PDS5A: variants seen among roughly 807,000 people sequenced by gnomAD.
PDS5A encodes PDS5 cohesin associated factor A.
A neutral mutation model predicts 167.1 loss-of-function variants in PDS5A; 42 were observed. The observed-to-expected ratio is 0.25, with a 90% confidence interval of 0.20 to 0.33. The LOEUF (loss-of-function observed/expected upper bound fraction) is 0.33. Ranked by LOEUF, PDS5A falls within the 10% of genes least tolerant of loss-of-function variation. PDS5A has a pLI of 1.00. For synonymous variants in PDS5A, 553 were observed against 554.6 expected, an observed-to-expected ratio of 1.00 and a Z score of 0.04; for missense variants, 1,033 against 1,605.9, an observed-to-expected ratio of 0.64 and a Z score of 6.10.
chr4:39,922,708 A>G lies in PDS5A; in HGVS notation c.568T>C (p.Leu190=). 6.3e-7 allele frequency: 1 copy of G among 1,587,806 alleles called. No individual in the cohort carries two copies. The highest frequency in any genetic ancestry group is 8.6e-7 in the Non-Finnish European group (1 of 1,167,098). The change falls in exon 6 of 33, where the codon TTG becomes CTG. Residue 190 remains leucine, a synonymous_variant. Transcript: ENST00000303538. Reference sequence around the variant, plus strand: ...CCTTCCATGATGATAGAACTCATCAAATCTAGCATGTGCATTTGTACCTTC... The same window carrying G: ...CCTTCCATGATGATAGAACTCATCAGATCTAGCATGTGCATTTGTACCTTC... ...NKKVQMHMLD[L]MSSIIMEGDG...
intron 28 of PDS5A, chr4:39,847,463 G>C (rs1166562553): frequency 6.6e-6 from 1 of 152,086 alleles, no homozygotes; most frequent in African/African-American, 2.4e-5. Context: ...AATTAGCCAG[G>C]CATGGTGACA....
chr4:39,908,316 T>A, intron 11 of PDS5A, 79 bp downstream of exon 11: 1 of 1,058,112 alleles, frequency 9.5e-7, no homozygotes. Context: ...AGACATTAAA[T>A]GTAACAGAAA....
At chr4:39,840,391 T>G (rs1195766319) in intron 31 of PDS5A, among the ~76,000 whole-genome samples, 1 of 152,158 alleles carries the variant, frequency 6.6e-6, no homozygotes, top group African/African-American at 2.4e-5. Flanking sequence ...TCTCAGCACT[T>G]TGGGAGGCTG....
intron 2 of PDS5A, among the ~76,000 whole-genome samples, chr4:39,962,961 C>CA (rs1326397600): frequency 1.4e-5 from 2 of 147,338 alleles, no homozygotes; most frequent in African/African-American, 2.5e-5. Flanking sequence ...AACTCCACCT[C>CA]AAAAAAACAA....
intron 32 of PDS5A, among the ~76,000 whole-genome samples, chr4:39,831,665 G>A (rs1264072059): frequency 1.3e-5 from 2 of 151,344 alleles, no homozygotes; most frequent in African/African-American, 4.8e-5. Flanking sequence ...ATCACCTGAG[G>A]TCGGGAGTTC....
intron 22 of PDS5A, among the ~76,000 whole-genome samples, chr4:39,867,546 T>C (rs1456603088): frequency 8.8e-6 from 1 of 114,028 alleles, no homozygotes; most frequent in Admixed American, 8.9e-5. Context: ...ACCCCGTCTC[T>C]ACTAAAAAAA....
At chr4:39,873,852 T>C (rs1452056110) in intron 20 of PDS5A, among the ~76,000 whole-genome samples, 2 of 152,052 alleles carry the variant, frequency 1.3e-5, no homozygotes, top group African/African-American at 4.8e-5. Context: ...GAGACCAGCC[T>C]GGGCAACATG....
intron 32 of PDS5A, among the ~76,000 whole-genome samples, chr4:39,829,118 T>C (rs984324205): frequency 2.0e-5 from 3 of 152,198 alleles, no homozygotes; most frequent in African/African-American, 7.2e-5. Context: ...GTTTGGCACC[T>C]CTATGTCTTC....
At chr4:39,900,371 A>G (rs1213074100) in intron 14 of PDS5A, 55 bp downstream of exon 14, 2 of 1,115,744 alleles carry the variant, frequency 1.8e-6, no homozygotes, top group Non-Finnish European at 1.3e-6. Flanking sequence ...AGAACTACAG[A>G]AAATCTGAAC....
intron 2 of PDS5A, among the ~76,000 whole-genome samples, chr4:39,954,865 C>A (rs1458739321): frequency 6.6e-6 from 1 of 151,460 alleles, no homozygotes; most frequent in Non-Finnish European, 1.5e-5. Flanking sequence ...ACATGACAAA[C>A]CCCGTGTCTA....
At chr4:39,826,959 AATTTGTTAT>A (rs1715380199) in intron 32 of PDS5A, among the ~76,000 whole-genome samples, 2 of 152,138 alleles carry the variant, frequency 1.3e-5, no homozygotes, top group Admixed American at 6.5e-5. Context: ...AGAGACTATT[AATTTGTTAT>A]ACTATTTGAA....
intron 26 of PDS5A, among the ~76,000 whole-genome samples, chr4:39,855,916 T>C (rs181057531): frequency 6.6e-6 from 1 of 152,274 alleles, no homozygotes; most frequent in East Asian, 1.9e-4. Flanking sequence ...GAAAAAATAT[T>C]TGATGAAATA....
At chr4:39,920,811 C>T (rs1431393091) in intron 6 of PDS5A, among the ~76,000 whole-genome samples, 3 of 152,160 alleles carry the variant, frequency 2.0e-5, no homozygotes, top group African/African-American at 7.2e-5. Context: ...TTAATCAATG[C>T]GTGCTCTGGA....
intron 16 of PDS5A, 135 bp downstream of exon 16, chr4:39,898,254 G>C (rs1239101782): frequency 2.3e-6 from 3 of 1,327,212 alleles, no homozygotes; most frequent in East Asian, 2.9e-5. Context: ...CTTGACAATA[G>C]ATATACTCCA....
At position 39,920,925 on chromosome 4, in the gene PDS5A, CA is replaced by C. The variant is rs772069196; in HGVS notation, c.655-527del. Among the ~76,000 whole-genome samples the C allele has an allele frequency of 2.4e-4, 37 of 152,102 alleles. 1 individual carries two copies. The highest frequency in any genetic ancestry group is 5.0e-4 in the Non-Finnish European group (34 of 68,012). On this transcript the variant is annotated intron_variant, in intron 6 of 32. Coordinates refer to ENST00000303538, the MANE Select transcript of PDS5A (RefSeq NM_001100399.2). ...CCCGTTTCAAGAGTCCCAATGTACT[CA>C]AATAAATTAAAGGATCTGAGAAGGA...
At chr4:39,949,821 GAAAA>G (rs59869303) in intron 2 of PDS5A, among the ~76,000 whole-genome samples, 2 of 67,186 alleles carry the variant, frequency 3.0e-5, no homozygotes, top group African/African-American at 1.1e-4. Flanking sequence ...CTCTGTCTCA[GAAAA>G]AAAAAAAAAA....
chr4:39,917,279 A>C (rs1255789345), intron 7 of PDS5A, 91 bp from the exon 8 acceptor site: 3 of 813,610 alleles, frequency 3.7e-6, no homozygotes, highest in Admixed American at 3.7e-5. Context: ...AAATAATTTA[A>C]TTAGGTATTA....
chr4:39,826,287 C>A (rs1271362130), intron 32 of PDS5A, among the ~76,000 whole-genome samples: 1 of 151,068 alleles, frequency 6.6e-6, no homozygotes, highest in African/African-American at 2.4e-5. Flanking sequence ...CTCCTCTCAC[C>A]TACTCCTCTT....
At chr4:39,852,191 G>T (rs1170732710) in intron 26 of PDS5A, among the ~76,000 whole-genome samples, 1 of 152,100 alleles carries the variant, frequency 6.6e-6, no homozygotes. Flanking sequence ...GTACTTGGAA[G>T]TTGTTCAATA....
Sources: gnomAD v4.1 joint callset for allele counts (sites outside exome capture counted in the v4.1 genomes callset) on GRCh38, gnomAD v4.1.1 for gene constraint, MANE v1.5 for transcripts, NCBI Gene and HGNC (gene_info 2026-07-23, HGNC 2026-07-21) for gene names.